Variants in ANKRD44 observed in about 807,000 individuals in gnomAD.
ANKRD44 encodes serine/threonine-protein phosphatase 6 regulatory ankyrin repeat subunit B.
Under a neutral mutation model 116.0 loss-of-function variants are expected in ANKRD44, and 35 were observed. The observed-to-expected ratio is 0.30, with a 90% CI of 0.23 to 0.40. The LOEUF (loss-of-function observed/expected upper bound fraction) is 0.40, where lower values mean the gene tolerates loss of function less well. ANKRD44 is among the 10% of genes least tolerant of loss of function. ANKRD44 has a pLI of 1.00. For missense variants in ANKRD44, 1,014 were observed against 1,242.6 expected (o/e 0.82, Z 2.77); for synonymous variants, 435 against 461.8 (o/e 0.94, Z 0.74).
chr2:197,174,293 AAGG>A (rs2080312738), intron 2 of ANKRD44, among the ~76,000 whole-genome samples: 1 of 152,168 alleles, frequency 6.6e-6, no homozygotes, highest in Non-Finnish European at 1.5e-5. Context: ...CCTAGGACAA[AAGG>A]AGGTTGATAG....
At chr2:197,198,231 A>T (rs554312731) in intron 1 of ANKRD44, 1 of 152,372 alleles carries the variant, frequency 6.6e-6, no homozygotes, top group African/African-American at 2.4e-5. Flanking sequence ...CCTATCATGG[A>T]AGGTCTTGAA....
intron 21 of ANKRD44, among the ~76,000 whole-genome samples, chr2:197,003,113 C>T (rs1017559760): frequency 6.6e-6 from 1 of 151,642 alleles, no homozygotes; most frequent in Non-Finnish European, 1.5e-5. Context: ...TCAAGACCAG[C>T]CTGGCCAACA....
intron 18 of ANKRD44, 134 bp from the exon 19 acceptor site, chr2:197,009,165 C>T: frequency 1.6e-6 from 1 of 620,712 alleles, no homozygotes; most frequent in South Asian, 1.8e-5. Context: ...GATGTCATCT[C>T]ATTGCAATCT....
chr2:197,262,430 T>A (rs1676687792), intron 1 of ANKRD44, among the ~76,000 whole-genome samples: 1 of 152,130 alleles, frequency 6.6e-6, no homozygotes, highest in African/African-American at 2.4e-5. Context: ...AGAATCAAAT[T>A]CCCATCCAGA....
chr2:197,175,242 C>T (rs976137232), intron 2 of ANKRD44, among the ~76,000 whole-genome samples: 2 of 152,116 alleles, frequency 1.3e-5, no homozygotes, highest in African/African-American at 2.4e-5. Flanking sequence ...TGAGAAAAGC[C>T]GGTAATGGGC....
At chr2:197,163,146 C>A (rs1164122535) in intron 2 of ANKRD44, among the ~76,000 whole-genome samples, 1 of 152,246 alleles carries the variant, frequency 6.6e-6, no homozygotes, top group Non-Finnish European at 1.5e-5. Context: ...CTCAGCCCTT[C>A]AGGCTTCCTA....
intron 16 of ANKRD44, among the ~76,000 whole-genome samples, chr2:197,075,118 A>G (rs979902877): frequency 5.9e-5 from 9 of 152,174 alleles, no homozygotes. Context: ...CCTGAAAGTA[A>G]TCAGAGGCCT....
intron 16 of ANKRD44, chr2:197,029,978 T>G (rs2076673729): frequency 5.9e-6 from 1 of 170,384 alleles, no homozygotes; most frequent in African/African-American, 2.4e-5. Flanking sequence ...CACCAGGTTT[T>G]TGTTGGTGCA....
chr2:197,231,695 A>T (rs145191420), intron 1 of ANKRD44, among the ~76,000 whole-genome samples: 183 of 152,020 alleles, frequency 1.2e-3, no homozygotes, highest in African/African-American at 4.3e-3. Context: ...TGCACAGGGC[A>T]GCCCCCACAG....
At chr2:197,034,049 C>CCAGAGAGAGAGAGAGAGAGAGAGAGA (rs1491563139) in intron 16 of ANKRD44, among the ~76,000 whole-genome samples, 22 of 13,274 alleles carry the variant, frequency 1.7e-3, no homozygotes, top group Non-Finnish European at 3.3e-3. Flanking sequence ...CATATGAGGG[C>CCAGAGAGAGAGAGAGAGAGAGAGAGA]TAGAGAGAGA....
intron 16 of ANKRD44, chr2:197,028,955 T>C (rs2124870422): frequency 6.4e-6 from 1 of 155,140 alleles, no homozygotes; most frequent in East Asian, 1.9e-4. Context: ...TGTGATTATT[T>C]TTCTTTTTTT....
chr2:197,013,672 T>C lies in ANKRD44; in HGVS notation c.1763A>G (p.Gln588Arg). ...GHHQALEVLL[Q>R]SLVDLDIRDE... is the part of the protein sequence containing the mutation. ...CCTGATGTCCAGGTCCACCAACGAC[T>C]GCAGAAGGACTTCCAAGGCTTGATG... Residue 588 changes from glutamine (Q) to arginine (R), a missense_variant, in exon 18 of 28, where the codon CAG (glutamine) becomes CGG (arginine). Coordinates refer to ENST00000282272, the MANE Select transcript of ANKRD44 (RefSeq NM_001195144.2). 1 of 1,613,810 alleles carries C rather than the reference T, an allele frequency of 6.2e-7. No individual in the cohort carries two copies. Among genetic ancestry groups the C allele is most frequent in the Non-Finnish European group, 8.5e-7 (1 of 1,180,030 alleles).
At chr2:197,281,110 A>G (rs762985830) in intron 1 of ANKRD44, among the ~76,000 whole-genome samples, 2 of 151,914 alleles carry the variant, frequency 1.3e-5, no homozygotes, top group Admixed American at 6.6e-5. Flanking sequence ...CAGTTCTTCA[A>G]TGTTCTTTGC....
chr2:197,062,311 TC>T (rs1051304770), intron 16 of ANKRD44, among the ~76,000 whole-genome samples: 1 of 152,162 alleles, frequency 6.6e-6, no homozygotes, highest in Non-Finnish European at 1.5e-5. Flanking sequence ...CCTGGATGGG[TC>T]ACCAAAGGTA....
chr2:197,015,319 T>G (rs2076371641), intron 17 of ANKRD44: 1 of 462,194 alleles, frequency 2.2e-6, no homozygotes, highest in Non-Finnish European at 4.0e-6. Flanking sequence ...AGAGACCATT[T>G]TAAAAGGTAT....
chr2:197,001,205 G>C (rs1263758793), intron 22 of ANKRD44, among the ~76,000 whole-genome samples: 7 of 152,156 alleles, frequency 4.6e-5, no homozygotes, highest in Non-Finnish European at 1.0e-4. Context: ...GGGCCCCCAG[G>C]CTAACTATGG....
intron 1 of ANKRD44, among the ~76,000 whole-genome samples, chr2:197,264,662 G>A (rs2082695827): frequency 1.3e-5 from 2 of 152,190 alleles, no homozygotes; most frequent in Non-Finnish European, 2.9e-5. Flanking sequence ...TAAAGGGCTA[G>A]TCTTGTCTTC....
chr2:197,125,303 C>T (rs2078950012), intron 6 of ANKRD44, 78 bp downstream of exon 6: 1 of 1,331,348 alleles, frequency 7.5e-7, no homozygotes, highest in Admixed American at 1.8e-5. Flanking sequence ...TGGAGAAAAC[C>T]TACATGGTCA....
chr2:197,136,827 C>T (rs1387524028), intron 3 of ANKRD44, among the ~76,000 whole-genome samples, 165 bp from the exon 4 acceptor site: 1 of 152,096 alleles, frequency 6.6e-6, no homozygotes, highest in Non-Finnish European at 1.5e-5. Context: ...GCTGAGGGGA[C>T]CAGAAGAAAT....
Sources: allele counts gnomAD v4.1 joint callset (sites outside exome capture counted in the v4.1 genomes callset), GRCh38; gene constraint gnomAD v4.1.1; transcripts MANE v1.5; gene names NCBI Gene and HGNC (gene_info 2026-07-23, HGNC 2026-07-21).